SYT14: variants seen among roughly 807,000 people sequenced by gnomAD.
The protein encoded by SYT14 is synaptotagmin 14, also known as synaptotagmin-14.
SYT14 carries 32 observed loss-of-function variants against 74.2 expected under a neutral mutation model. The ratio of observed to expected loss-of-function variants is 0.43; its 90% CI spans 0.33 to 0.58. The LOEUF (loss-of-function observed/expected upper bound fraction) is 0.58. Among genes scored for constraint, SYT14 ranks in the 20% least tolerant of loss-of-function variants. The probability of loss-of-function intolerance (pLI) is 0.05; values close to 1 mark genes in which losing one functional copy is unlikely to be tolerated. For synonymous variants in SYT14, 298 were observed against 337.7 expected (o/e 0.88, Z 1.29); for missense variants, 791 against 981.8 (o/e 0.81, Z 2.60).
intron 5 of SYT14, among the ~76,000 whole-genome samples, chr1:210,065,054 A>G (rs2081272046): frequency 6.6e-6 from 1 of 152,044 alleles, no homozygotes. Flanking sequence ...TGTGCTTACT[A>G]GCCACTTGTC....
At chr1:210,055,840 A>G (rs1194145272) in intron 5 of SYT14, among the ~76,000 whole-genome samples, 3 of 152,048 alleles carry the variant, frequency 2.0e-5, no homozygotes, top group African/African-American at 4.8e-5. Flanking sequence ...TATTGGTTAT[A>G]TATCAACTAA....
At chr1:210,121,626 C>T (rs1429304516) in intron 7 of SYT14, among the ~76,000 whole-genome samples, 1 of 151,928 alleles carries the variant, frequency 6.6e-6, no homozygotes, top group Non-Finnish European at 1.5e-5. Context: ...AACTCTGTCT[C>T]TACTAAAAAT....
intron 7 of SYT14, among the ~76,000 whole-genome samples, chr1:210,126,139 G>C (rs1381217446): frequency 6.6e-6 from 1 of 151,900 alleles, no homozygotes; most frequent in African/African-American, 2.4e-5. Context: ...GGAGTCAGAG[G>C]CCACTGTGAG....
intron 7 of SYT14, among the ~76,000 whole-genome samples, chr1:210,153,984 A>G (rs2083219343): frequency 6.6e-6 from 1 of 152,042 alleles, no homozygotes; most frequent in Admixed American, 6.5e-5. Flanking sequence ...TGGTTTTAAT[A>G]TTTTGCTAAA....
chr1:209,985,452 C>T (rs1398997746), intron 2 of SYT14, among the ~76,000 whole-genome samples: 2 of 152,236 alleles, frequency 1.3e-5, no homozygotes, highest in African/African-American at 4.8e-5. Flanking sequence ...GCCACTCTGC[C>T]CCTGTGGCTT....
intron 7 of SYT14, among the ~76,000 whole-genome samples, chr1:210,154,450 A>T (rs1195989080): frequency 6.6e-6 from 1 of 152,186 alleles, no homozygotes; most frequent in Admixed American, 6.5e-5. Flanking sequence ...GGTGCCAAAA[A>T]GGTTGGAGAT....
At chr1:210,035,619 ATTC>A (rs749827218) in intron 5 of SYT14, among the ~76,000 whole-genome samples, 2 of 151,984 alleles carry the variant, frequency 1.3e-5, no homozygotes, top group Non-Finnish European at 2.9e-5. Context: ...GTCCAGTGTC[ATTC>A]TTCTGCATAT....
intron 2 of SYT14, among the ~76,000 whole-genome samples, chr1:209,988,763 T>C (rs1437190062): frequency 2.6e-5 from 4 of 152,226 alleles, no homozygotes; most frequent in Non-Finnish European, 5.9e-5. Context: ...CTGTGTAAGA[T>C]TTGGCATGTC....
intron 2 of SYT14, among the ~76,000 whole-genome samples, chr1:209,990,763 T>A (rs946782956): frequency 2.6e-5 from 4 of 151,594 alleles, no homozygotes; most frequent in Non-Finnish European, 5.9e-5. Context: ...ATAAAAAATT[T>A]AAAAAATTAG....
chr1:210,163,107 C>T (rs1352048452), exon 10 of SYT14: 4 of 453,270 alleles, frequency 8.8e-6, no homozygotes, highest in Non-Finnish European at 1.8e-5. Flanking sequence ...AAACAACTGA[C>T]TGCATTGCTA....
At chr1:209,999,182 G>A (rs2079848873) in intron 2 of SYT14, among the ~76,000 whole-genome samples, 1 of 152,026 alleles carries the variant, frequency 6.6e-6, no homozygotes, top group African/African-American at 2.4e-5. Context: ...TCAGGGAAAT[G>A]CAAACCAAAG....
intron 7 of SYT14, among the ~76,000 whole-genome samples, chr1:210,127,941 T>A (rs2082599661): frequency 1.3e-5 from 2 of 151,886 alleles, no homozygotes; most frequent in Non-Finnish European, 2.9e-5. Flanking sequence ...GCAGGAGAAT[T>A]GCTTGAACCT....
At position 210,027,274 on chromosome 1, in the gene SYT14, G is replaced by A. The variant is rs1348461130; in HGVS notation, c.1312+6020G>A. ...CAAAAAATTTTGAAAAACTAGCCGA[G>A]CCTAGTGGCCCATGCCTGTAACCTT... On this transcript the variant is annotated intron_variant, in intron 5 of 9. Transcript: ENST00000637265. Among the ~76,000 whole-genome samples, 4 of 152,022 alleles carry A rather than the reference G, an allele frequency of 2.6e-5. No homozygotes were observed. The East Asian group carries it at 7.7e-4, about 29-fold the overall frequency.
chr1:210,108,487 T>C (rs2082199386), intron 7 of SYT14, among the ~76,000 whole-genome samples: 1 of 152,148 alleles, frequency 6.6e-6, no homozygotes. Flanking sequence ...TGGCAGTCAT[T>C]TAGACAGTTT....
intron 5 of SYT14, among the ~76,000 whole-genome samples, chr1:210,072,152 C>A (rs1211761244): frequency 7.7e-6 from 1 of 130,666 alleles, no homozygotes; most frequent in Non-Finnish European, 1.7e-5. Context: ...TATATATATA[C>A]TATTTTTTAA....
At chr1:209,984,616 C>A (rs774807647) in intron 2 of SYT14, among the ~76,000 whole-genome samples, 1 of 152,116 alleles carries the variant, frequency 6.6e-6, no homozygotes, top group South Asian at 2.1e-4. Context: ...TTTAATATTT[C>A]TTACAGCAGA....
intron 2 of SYT14, among the ~76,000 whole-genome samples, chr1:209,977,433 T>C (rs912392772): frequency 1.3e-5 from 2 of 152,198 alleles, no homozygotes; most frequent in Non-Finnish European, 2.9e-5. Flanking sequence ...TTTGCTTGTC[T>C]GTAAAGGATT....
chr1:210,024,908 T>C (rs144526997), intron 5 of SYT14, among the ~76,000 whole-genome samples: 69 of 151,310 alleles, frequency 4.6e-4, no homozygotes, highest in African/African-American at 1.6e-3. Context: ...ATAATTCAGA[T>C]AAACCCCTTT....
In SYT14 at chr1:209,992,622, A is replaced by G. The variant is rs549200073; in HGVS notation, c.-485-21011A>G. 4.6e-5 allele frequency among the ~76,000 whole-genome samples: 7 copies of G among 152,322 alleles called. No individual in the cohort carries two copies. The South Asian group carries it at 1.5e-3, about 32-fold the overall frequency. On this transcript the variant is annotated intron_variant, in intron 2 of 9. Coordinates refer to ENST00000637265, the Ensembl canonical transcript of SYT14. ...TGGTGATGGCTACGCTAAAAACACCACTATGCAATATATCTTTGTAACAAA... is the reference window on the plus strand; with the variant it reads ...TGGTGATGGCTACGCTAAAAACACCGCTATGCAATATATCTTTGTAACAAA...
Sources: gnomAD v4.1 joint callset for allele counts (sites outside exome capture counted in the v4.1 genomes callset) on GRCh38, gnomAD v4.1.1 for gene constraint, MANE v1.5 for transcripts, NCBI Gene and HGNC (gene_info 2026-07-23, HGNC 2026-07-21) for gene names.